CARHSP1: variants seen among roughly 807,000 people sequenced by gnomAD.
CARHSP1 encodes calcium-regulated heat-stable protein 1.
In CARHSP1, 14 loss-of-function variants were observed where a neutral mutation model predicts 12.5. The observed-to-expected ratio is 1.12, with a 90% CI of 0.74 to 1.75. The LOEUF (loss-of-function observed/expected upper bound fraction) is 1.75, where lower values mean the gene tolerates loss of function less well. CARHSP1 is among the 40% of genes most tolerant of loss of function. The pLI is 0.00. For synonymous variants in CARHSP1, 161 were observed against 82.0 expected, an observed-to-expected ratio of 1.96 and a Z score of -5.20; for missense variants, 343 against 201.6, an observed-to-expected ratio of 1.70 and a Z score of -4.25.
intron 1 of CARHSP1, among the ~76,000 whole-genome samples, chr16:8,861,058 ATAAATAAC>A (rs1448225871): frequency 3.4e-5 from 1 of 29,256 alleles, no homozygotes; most frequent in Non-Finnish European, 8.8e-5. Context: ...TCAAAAAAAA[ATAAATAAC>A]TTTTATTTTT....
Position 8,863,137 on chromosome 16 carries a change from T to TC in CARHSP1, c.-7-3803dup, listed in dbSNP as rs1555457602. 1.5e-3 allele frequency among the ~76,000 whole-genome samples: 187 copies of TC among 126,356 alleles called. 2 individuals are homozygous for TC. The highest frequency in any genetic ancestry group is 0.012 in the Admixed American group (124 of 10,284). The allele number at this position is 126,356 out of a possible 152,430, so 82.9% of individuals were successfully genotyped here. On this transcript the variant is annotated intron_variant, in intron 1 of 3. Transcript: ENST00000311052. The stretch of plus-strand genomic sequence containing the variant: ...CTTTTTTTTTTTTTTTTTTTTTTTT[T>TC]CAGATAGGATCTCACTTGGTCACCT...
chr16:8,860,436 C>A, intron 1 of CARHSP1: 2 of 985,402 alleles, frequency 2.0e-6, no homozygotes, highest in Non-Finnish European at 2.4e-6. Context: ...TCGCTGTACA[C>A]AATAATCACT....
intron 3 of CARHSP1, 26 bp downstream of exon 3, chr16:8,858,324 G>A (rs747787547): frequency 1.9e-6 from 3 of 1,609,490 alleles, no homozygotes; most frequent in African/African-American, 2.7e-5. Context: ...CCCCAGCCAG[G>A]CCACCCAGAC....
rs537614451 is a variant in CARHSP1 at position 8,861,989 on chromosome 16, CTTTTTTTTTTTTTTT to C, written c.-7-2669_-7-2655del. 5.0e-5 allele frequency among the ~76,000 whole-genome samples: 4 copies of C among 79,806 alleles called. 1 individual carries two copies. The highest frequency in any genetic ancestry group is 1.2e-3 in the South Asian group (2 of 1,690). The allele number at this position is 79,806 out of a possible 152,430, so 52.4% of individuals were successfully genotyped here. ...TTCTCCTGGAGTCAAGCATAGCTGACTTTTTTTTTTTTTTTTTTTTTTTTTTTTAATTTGAGATGG... is the reference window on the plus strand; with the variant it reads ...TTCTCCTGGAGTCAAGCATAGCTGACTTTTTTTTTTTTTAATTTGAGATGG... On this transcript the variant is annotated intron_variant, in intron 1 of 3. Coordinates refer to ENST00000311052, the MANE Select transcript of CARHSP1 (RefSeq NM_014316.4).
At chr16:8,857,463 T>TTC (rs2061173907) in intron 3 of CARHSP1, 3 of 89,616 alleles carry the variant, frequency 3.3e-5, no homozygotes, top group Non-Finnish European at 6.7e-5. Context: ...TTTTTTTTTT[T>TTC]CTATTTTTTT....
In CARHSP1 at chr16:8,854,221, C is replaced by T. The variant is rs1039696545; in HGVS notation, c.*943G>A. ...ACACTAGTTTTAAAGAAAACCCCCT[C>T]TCCAAAGGTATGTTTCTCCTTCAAC... On this transcript the variant is annotated 3_prime_UTR_variant, in exon 4 of 4. Transcript: ENST00000311052. 1 of 152,204 alleles carries T rather than the reference C, an allele frequency of 6.6e-6. No individual in the cohort carries two copies. Among genetic ancestry groups the T allele is most frequent in the Non-Finnish European group, 1.5e-5 (1 of 68,042 alleles). 9.4% of individuals were successfully genotyped at this position (152,204 alleles called of 1,614,324 possible).
chr16:8,867,196 T>TC (rs1027949235), intron 1 of CARHSP1: 1 of 150,002 alleles, frequency 6.7e-6, no homozygotes, highest in African/African-American at 2.5e-5. Context: ...TCTACACGCC[T>TC]CCCCCACTCA....
In CARHSP1 at chr16:8,868,970, C is replaced by G. The variant is rs1043038321; in HGVS notation, c.-12G>C. ...TCCCCGAGAAGAGCTCCCTACCCTG[C>G]AATCCGTTCTGCTCCGCCAGCCGCT... On this transcript the variant is annotated 5_prime_UTR_variant, in exon 1 of 4. Coordinates refer to ENST00000311052, the MANE Select transcript of CARHSP1 (RefSeq NM_014316.4). 1.3e-5 allele frequency: 2 copies of G among 151,682 alleles called. No homozygotes were observed. Among genetic ancestry groups the G allele is most frequent in the Non-Finnish European group, 2.9e-5 (2 of 67,890 alleles). 9.4% of individuals were successfully genotyped at this position (151,682 alleles called of 1,614,324 possible).
At chr16:8,861,852 G>A in intron 1 of CARHSP1, 2 of 1,189,934 alleles carry the variant, frequency 1.7e-6, no homozygotes, top group Non-Finnish European at 2.1e-6. Flanking sequence ...GGCCCTGGGA[G>A]GGGAGGGCCC....
intron 1 of CARHSP1, chr16:8,861,562 C>A: frequency 8.0e-7 from 1 of 1,252,518 alleles, no homozygotes. Context: ...CCTGAAATGT[C>A]AGAACCCCTC....
At chr16:8,858,845 G>A (rs1184652410) in intron 2 of CARHSP1, 1 of 409,074 alleles carries the variant, frequency 2.4e-6, no homozygotes, top group East Asian at 4.1e-5. Context: ...TTGCAGCCCT[G>A]GTGCTGTGCC....
chr16:8,862,888 G>T (rs928437669), intron 1 of CARHSP1, among the ~76,000 whole-genome samples: 2 of 151,998 alleles, frequency 1.3e-5, no homozygotes, highest in African/African-American at 4.8e-5. Context: ...TTTTCCCCTG[G>T]GTGAATGGCA....
At chr16:8,858,510 G>C (rs368426129) in intron 2 of CARHSP1, 38 bp from the exon 3 acceptor site, 1 of 1,605,548 alleles carries the variant, frequency 6.2e-7, no homozygotes. Context: ...CCCCATCAGC[G>C]CTCCTGGGCA....
At chr16:8,858,790 T>A (rs988066) in intron 2 of CARHSP1, 2 of 418,898 alleles carry the variant, frequency 4.8e-6, no homozygotes, top group Admixed American at 8.1e-5. Context: ...CATCCTCCAC[T>A]CGCAAGGCCT....
At chr16:8,866,305 C>G in intron 1 of CARHSP1, 1 of 396,876 alleles carries the variant, frequency 2.5e-6, no homozygotes, top group Non-Finnish European at 3.4e-6. Context: ...ACCCAGGGAA[C>G]ACGGCAGTAG....
At position 8,853,701 on chromosome 16, in the gene CARHSP1, C is replaced by T. The variant is rs1383825879; in HGVS notation, c.*1463G>A. 1 of 152,184 alleles carries T rather than the reference C, an allele frequency of 6.6e-6. No individual in the cohort carries two copies. Among genetic ancestry groups the T allele is most frequent in the African/African-American group, 2.4e-5 (1 of 41,432 alleles). 9.4% of individuals were successfully genotyped at this position (152,184 alleles called of 1,614,324 possible). ...AGGTCATATATTTCAAAAAATAATG[C>T]CTAGCTATTTCTACTTTGAAATCAT... On this transcript the variant is annotated 3_prime_UTR_variant, in exon 4 of 4. Transcript: ENST00000311052.
chr16:8,858,508 G>C (rs749997316), intron 2 of CARHSP1, 36 bp from the exon 3 acceptor site: 1 of 1,605,988 alleles, frequency 6.2e-7, no homozygotes, highest in Non-Finnish European at 8.5e-7. Flanking sequence ...GGCCCCATCA[G>C]CGCTCCTGGG....
chr16:8,863,093 G>A (rs1368537239), intron 1 of CARHSP1, among the ~76,000 whole-genome samples: 2 of 146,974 alleles, frequency 1.4e-5, no homozygotes, highest in African/African-American at 2.5e-5. Flanking sequence ...AGACGGTCCA[G>A]GAATGGCCAC....
intron 1 of CARHSP1, among the ~76,000 whole-genome samples, chr16:8,866,818 C>T (rs2061463470): frequency 6.6e-6 from 1 of 152,114 alleles, no homozygotes; most frequent in African/African-American, 2.4e-5. Context: ...CTGAAGCCAA[C>T]AGTCACAGAG....
Sources: allele counts gnomAD v4.1 joint callset (sites outside exome capture counted in the v4.1 genomes callset), GRCh38; gene constraint gnomAD v4.1.1; transcripts MANE v1.5; gene names NCBI Gene and HGNC (gene_info 2026-07-23, HGNC 2026-07-21).